The following SPIDR variants were observed in gnomAD, a reference collection of about 807,000 sequenced individuals.
The protein encoded by SPIDR is scaffold protein involved in DNA repair.
Under a neutral mutation model 104.6 loss-of-function variants are expected in SPIDR, and 93 were observed. That is an observed-to-expected ratio of 0.89 (90% CI 0.75 to 1.06). The LOEUF (loss-of-function observed/expected upper bound fraction) is 1.06. Ranked by LOEUF, SPIDR falls within the 50% of genes least tolerant of loss-of-function variation. The probability of loss-of-function intolerance (pLI) is 0.00; values close to 1 mark genes in which losing one functional copy is unlikely to be tolerated. For synonymous variants in SPIDR, 431 were observed against 416.9 expected (o/e 1.03, Z -0.41); for missense variants, 1,154 against 1,111.2 (o/e 1.04, Z -0.55).
chr8:47,616,686 G>C (rs2064357082), intron 10 of SPIDR, among the ~76,000 whole-genome samples: 1 of 152,188 alleles, frequency 6.6e-6, no homozygotes, highest in Admixed American at 6.5e-5. Context: ...GTATAGAAAA[G>C]TTTGCGAAGA....
chr8:47,693,786 T>C (rs1263451008), intron 11 of SPIDR, among the ~76,000 whole-genome samples: 1 of 152,214 alleles, frequency 6.6e-6, no homozygotes, highest in Non-Finnish European at 1.5e-5. Flanking sequence ...TCTTCTCACC[T>C]ATGTCCTTGT....
intron 5 of SPIDR, chr8:47,294,327 A>G (rs1449869143): frequency 2.5e-5 from 7 of 279,768 alleles, no homozygotes; most frequent in African/African-American, 6.6e-5. Flanking sequence ...GGAATTGCAC[A>G]TGTCAGCCAC....
rs183004079 is a variant in SPIDR at position 47,481,484 on chromosome 8, T to C, written c.1097+40942T>C. ...AAACTCCGTCTCTACTAAAAAAAGA[T>C]AGAAAAATTAGCAAGGCAGGGTGGC... On this transcript the variant is annotated intron_variant, in intron 8 of 19. Transcript: ENST00000297423. Among the ~76,000 whole-genome samples the C allele has an allele frequency of 2.8e-3, 419 of 152,100 alleles. 1 individual carries two copies. The highest frequency in any genetic ancestry group is 9.9e-3 in the African/African-American group (409 of 41,476).
At chr8:47,506,529 C>T (rs2081509886) in intron 8 of SPIDR, among the ~76,000 whole-genome samples, 2 of 152,026 alleles carry the variant, frequency 1.3e-5, no homozygotes, top group South Asian at 4.2e-4. Flanking sequence ...CTAATATCAC[C>T]AATAGACCCT....
At chr8:47,605,592 A>G (rs2130411) in intron 10 of SPIDR, among the ~76,000 whole-genome samples, 103,401 of 151,996 alleles carry the variant, frequency 0.68, 35,516 homozygotes, top group East Asian at 0.81. Context: ...AGAACAAAAA[A>G]TCTGGAATCA....
At chr8:47,684,126 C>CAAAAAAA (rs748328609) in intron 11 of SPIDR, among the ~76,000 whole-genome samples, 4 of 38,148 alleles carry the variant, frequency 1.0e-4, no homozygotes, top group South Asian at 1.2e-3. Flanking sequence ...GACTCTGTCT[C>CAAAAAAA]AAAAAAAAAA....
intron 8 of SPIDR, among the ~76,000 whole-genome samples, chr8:47,482,051 T>C (rs2076954238): frequency 6.6e-6 from 1 of 152,192 alleles, no homozygotes; most frequent in Non-Finnish European, 1.5e-5. Flanking sequence ...GAGGACTCAG[T>C]TTACAGGTTA....
chr8:47,634,624 C>T (rs528556385), intron 10 of SPIDR, among the ~76,000 whole-genome samples: 3 of 152,260 alleles, frequency 2.0e-5, no homozygotes, highest in African/African-American at 7.2e-5. Flanking sequence ...TAGCGTCATG[C>T]ACTGCACTGC....
chr8:47,546,554 T>C (rs2089421305), intron 8 of SPIDR, among the ~76,000 whole-genome samples: 1 of 152,100 alleles, frequency 6.6e-6, no homozygotes, highest in East Asian at 1.9e-4. Flanking sequence ...ATGAACCAGA[T>C]TTGTTTCATG....
intron 8 of SPIDR, among the ~76,000 whole-genome samples, chr8:47,480,283 A>G (rs782361710): frequency 2.6e-5 from 4 of 152,182 alleles, no homozygotes; most frequent in Non-Finnish European, 5.9e-5. Context: ...CAGTTACCTG[A>G]TTTAAAATGT....
intron 5 of SPIDR, among the ~76,000 whole-genome samples, chr8:47,339,238 T>C (rs1273352346): frequency 2.0e-5 from 3 of 152,218 alleles, no homozygotes; most frequent in Admixed American, 6.5e-5. Context: ...CTGAAAATGT[T>C]CTAGGTTGTG....
chr8:47,349,906 C>T (rs1447530411), intron 5 of SPIDR, among the ~76,000 whole-genome samples: 2 of 152,204 alleles, frequency 1.3e-5, no homozygotes, highest in Non-Finnish European at 2.9e-5. Flanking sequence ...AAGGGAATTC[C>T]CTGACCCTTT....
chr8:47,577,377 T>A (rs980721453), intron 8 of SPIDR, among the ~76,000 whole-genome samples: 2 of 152,208 alleles, frequency 1.3e-5, no homozygotes, highest in African/African-American at 4.8e-5. Context: ...TTACCCTACA[T>A]CCTATCCTGA....
intron 8 of SPIDR, among the ~76,000 whole-genome samples, chr8:47,506,387 A>G (rs536787331): frequency 1.3e-5 from 2 of 152,304 alleles, no homozygotes; most frequent in South Asian, 2.1e-4. Flanking sequence ...GGCAGTCCCA[A>G]AATCTCGTTT....
At chr8:47,559,033 G>T (rs2056732904) in intron 8 of SPIDR, among the ~76,000 whole-genome samples, 1 of 152,128 alleles carries the variant, frequency 6.6e-6, no homozygotes, top group Non-Finnish European at 1.5e-5. Context: ...GCTGTATCTG[G>T]CCCTTATCTG....
chr8:47,689,923 G>A (rs1234563156), intron 11 of SPIDR, among the ~76,000 whole-genome samples: 2 of 152,140 alleles, frequency 1.3e-5, no homozygotes, highest in Admixed American at 6.5e-5. Context: ...ATTTTAATAG[G>A]ACTCAACAGT....
intron 8 of SPIDR, among the ~76,000 whole-genome samples, chr8:47,488,545 CA>C (rs797025098): frequency 6.6e-6 from 1 of 151,948 alleles, no homozygotes; most frequent in East Asian, 1.9e-4. Flanking sequence ...CAGAGACACA[CA>C]AAAAAAGACA....
At chr8:47,378,402 G>A (rs1246243813) in intron 5 of SPIDR, among the ~76,000 whole-genome samples, 1 of 152,152 alleles carries the variant, frequency 6.6e-6, no homozygotes, top group Non-Finnish European at 1.5e-5. Flanking sequence ...TCATGGTTAT[G>A]GAAAAATACA....
intron 7 of SPIDR, among the ~76,000 whole-genome samples, chr8:47,425,447 G>C (rs1033396961): frequency 4.6e-5 from 7 of 152,176 alleles, no homozygotes; most frequent in Non-Finnish European, 8.8e-5. Context: ...GTCTGCATGG[G>C]CATGGTAGGA....
Sources: gnomAD v4.1 joint callset for allele counts (sites outside exome capture counted in the v4.1 genomes callset) on GRCh38, gnomAD v4.1.1 for gene constraint, MANE v1.5 for transcripts, NCBI Gene and HGNC (gene_info 2026-07-23, HGNC 2026-07-21) for gene names.